Variants in NUP210 observed in about 807,000 individuals in gnomAD.
NUP210 encodes nucleoporin 210, also known as nuclear pore membrane glycoprotein 210.
A neutral mutation model predicts 196.0 loss-of-function variants in NUP210; 151 were observed. That is an observed-to-expected ratio of 0.77 (90% CI 0.67 to 0.88). NUP210 has a LOEUF of 0.88. Among genes scored for constraint, NUP210 ranks in the 40% least tolerant of loss-of-function variants. The probability of loss-of-function intolerance (pLI) is 0.00; values close to 1 mark genes in which losing one functional copy is unlikely to be tolerated. For missense variants in NUP210, 2,314 were observed against 2,493.7 expected (o/e 0.93, Z 1.53); for synonymous variants, 1,070 against 1,052.7 (o/e 1.02, Z -0.32).
intron 1 of NUP210, among the ~76,000 whole-genome samples, chr3:13,403,199 C>A (rs1699897443): frequency 6.6e-6 from 1 of 152,210 alleles, no homozygotes; most frequent in Non-Finnish European, 1.5e-5. Flanking sequence ...TCTTTTGGGG[C>A]TGCCATGACA....
At chr3:13,335,637 C>T (rs1386080246) in intron 27 of NUP210, 25 bp from the exon 28 acceptor site, 2 of 1,612,110 alleles carry the variant, frequency 1.2e-6, no homozygotes, top group Admixed American at 3.3e-5. Context: ...AACACGTTTT[C>T]AGGGGTAAGG....
At position 13,347,095 on chromosome 3, in the gene NUP210, C is replaced by A; in HGVS notation, c.2836-3792G>T. ...TCCTGGACACATGTCCTCACCTGAA[C>A]AATGGCCCCATGACGGGCTGCGCCT... On this transcript the variant is annotated intron_variant, in intron 20 of 39. Transcript: ENST00000254508. This position sits in a 1 kb window ranked among gnomAD's most constrained non-coding sequence, Gnocchi z 4.7. 1 of 985,460 alleles carries A rather than the reference C, an allele frequency of 1.0e-6. No homozygotes were observed. Among genetic ancestry groups the A allele is most frequent in the Non-Finnish European group, 1.2e-6 (1 of 829,936 alleles). The allele number at this position is 985,460 out of a possible 1,614,324, so 61.0% of individuals were successfully genotyped here.
intron 29 of NUP210, 124 bp downstream of exon 29, chr3:13,332,169 T>C: frequency 1.3e-6 from 1 of 740,974 alleles, no homozygotes; most frequent in Non-Finnish European, 2.4e-6. Flanking sequence ...CCTCACCCAT[T>C]CCAAGCACAG....
chr3:13,361,589 C>A (rs1438878508), intron 14 of NUP210, among the ~76,000 whole-genome samples: 1 of 152,124 alleles, frequency 6.6e-6, no homozygotes, highest in South Asian at 2.1e-4. Flanking sequence ...TCCTTGAATC[C>A]CTGCCCAGCT....
chr3:13,383,226 C>T (rs565857120), intron 6 of NUP210, among the ~76,000 whole-genome samples: 1 of 152,314 alleles, frequency 6.6e-6, no homozygotes, highest in Admixed American at 6.5e-5. Flanking sequence ...TTTGCTAGCT[C>T]GGCCCCTCTC....
chr3:13,369,330 C>A (rs1035394633), intron 13 of NUP210, among the ~76,000 whole-genome samples: 1 of 152,070 alleles, frequency 6.6e-6, no homozygotes, highest in Non-Finnish European at 1.5e-5. Context: ...AGATATTAAC[C>A]CCTTATACAA....
chr3:13,392,864 C>T (rs1049540439), intron 3 of NUP210, among the ~76,000 whole-genome samples: 3 of 151,802 alleles, frequency 2.0e-5, no homozygotes, highest in South Asian at 2.1e-4. Context: ...CGGGGAAGAG[C>T]CCAGCAGGCC....
chr3:13,390,241 G>A (rs1177721867), intron 4 of NUP210, among the ~76,000 whole-genome samples: 2 of 152,134 alleles, frequency 1.3e-5, no homozygotes, highest in African/African-American at 2.4e-5. Context: ...GCTGGCAGCC[G>A]GCTCTCAGGT....
chr3:13,328,482 A>G (rs1696865987), intron 31 of NUP210, among the ~76,000 whole-genome samples: 1 of 152,218 alleles, frequency 6.6e-6, no homozygotes, highest in Admixed American at 6.5e-5. Flanking sequence ...GCCGAAGCTG[A>G]AGGGCCAATT....
intron 1 of NUP210, among the ~76,000 whole-genome samples, chr3:13,411,051 A>C (rs1700160288): frequency 6.6e-6 from 1 of 151,910 alleles, no homozygotes; most frequent in Non-Finnish European, 1.5e-5. Context: ...GAGTCTCTAA[A>C]AAATAATAAT....
Position 13,340,524 on chromosome 3 carries a change from T to C in NUP210, c.3229-226A>G, listed in dbSNP as rs1697432617. Among the ~76,000 whole-genome samples the C allele has an allele frequency of 6.6e-6, 1 of 152,182 alleles. No individual in the cohort carries two copies. The highest frequency in any genetic ancestry group is 6.5e-5 in the Admixed American group (1 of 15,286). On this transcript the variant is annotated intron_variant, in intron 23 of 39. Transcript: ENST00000254508. This position sits in a 1 kb window ranked among gnomAD's most constrained non-coding sequence, Gnocchi z 4.0. ...TGGGGTGTGTTCTTCTGTTTGTGAC[T>C]GTGTTTCACTTTCCCTAGATGTTAA...
intron 6 of NUP210, among the ~76,000 whole-genome samples, chr3:13,384,014 G>A (rs1448805788): frequency 6.6e-6 from 1 of 152,202 alleles, no homozygotes; most frequent in Non-Finnish European, 1.5e-5. Flanking sequence ...CCAGGCTGGA[G>A]TGCAATGGCG....
At chr3:13,376,549 G>C in intron 9 of NUP210, 118 bp from the exon 10 acceptor site, 1 of 1,124,704 alleles carries the variant, frequency 8.9e-7, no homozygotes, top group Non-Finnish European at 1.3e-6. Flanking sequence ...GGGGCCCCCT[G>C]GGGCTCAGCA....
intron 5 of NUP210, among the ~76,000 whole-genome samples, chr3:13,387,046 C>A (rs978734910): frequency 6.6e-6 from 1 of 152,208 alleles, no homozygotes; most frequent in Non-Finnish European, 1.5e-5. Context: ...TGTAGAAAAG[C>A]GACAACACAG....
At position 13,379,811 on chromosome 3, in the gene NUP210, T is replaced by A. The variant is rs1576401382; in HGVS notation, c.818-90A>T. On this transcript the variant is annotated intron_variant, in intron 6 of 39. Transcript: ENST00000254508. The surrounding 1 kb of genome is among the most constrained non-coding windows in gnomAD (Gnocchi z 4.2). ...AATACACTCCCACTGCCACCCCGAA[T>A]CTCTGCACTCTGCTCTCAGTACAGC... The A allele has an allele frequency of 9.1e-7, 1 of 1,103,128 alleles. No homozygotes were observed. The highest frequency in any genetic ancestry group is 2.5e-5 in the East Asian group (1 of 39,338). The allele number at this position is 1,103,128 out of a possible 1,614,324, so 68.3% of individuals were successfully genotyped here. A position where few individuals can be genotyped will look rare whatever the true frequency, so the allele number is the denominator to read the frequency against.
At chr3:13,387,355 G>A (rs1428347308) in intron 5 of NUP210, among the ~76,000 whole-genome samples, 3 of 152,250 alleles carry the variant, frequency 2.0e-5, no homozygotes, top group African/African-American at 4.8e-5. Flanking sequence ...GCCACTGAAT[G>A]TCTATGGGCA....
In NUP210 at chr3:13,336,150, G is replaced by C. The variant is rs529970081; in HGVS notation, c.3685-538C>G. Among the ~76,000 whole-genome samples the C allele has an allele frequency of 2.8e-3, 434 of 152,332 alleles. 1 individual carries two copies. Among genetic ancestry groups the C allele is most frequent in the Middle Eastern group, 6.8e-3 (2 of 294 alleles). ...GCAGCCTTTAGGAAATCCTATCCCT[G>C]GGCTTTGGTCTCTTTCCAGGCCTCC... On this transcript the variant is annotated intron_variant, in intron 27 of 39. Coordinates refer to ENST00000254508, the MANE Select transcript of NUP210 (RefSeq NM_024923.4).
At chr3:13,357,715 G>T (rs576125953) in intron 16 of NUP210, among the ~76,000 whole-genome samples, 169 of 152,214 alleles carry the variant, frequency 1.1e-3, no homozygotes, top group Non-Finnish European at 2.1e-3. Context: ...TACCATCCCT[G>T]CTGTTAGACA....
intron 39 of NUP210, 23 bp from the exon 40 acceptor site, chr3:13,317,804 G>C: frequency 6.5e-7 from 1 of 1,528,260 alleles, no homozygotes; most frequent in Admixed American, 1.8e-5. Flanking sequence ...GAGAGACGAT[G>C]TTAGCAGCAG....
Sources: allele counts gnomAD v4.1 joint callset (sites outside exome capture counted in the v4.1 genomes callset), GRCh38; gene constraint gnomAD v4.1.1; non-coding constraint Gnocchi (gnomAD v3.1); transcripts MANE v1.5; gene names NCBI Gene and HGNC (gene_info 2026-07-23, HGNC 2026-07-21).